Variants in MAP3K5 observed in about 807,000 individuals in gnomAD.
The protein encoded by MAP3K5 is ASK-1.
In MAP3K5, 56 loss-of-function variants were observed where a neutral mutation model predicts 158.7. The ratio of observed to expected loss-of-function variants is 0.35; its 90% CI spans 0.28 to 0.44. The LOEUF (loss-of-function observed/expected upper bound fraction) is 0.44, where lower values mean the gene tolerates loss of function less well. MAP3K5 is among the 20% of genes least tolerant of loss of function. The pLI is 1.00. For missense variants in MAP3K5, 1,294 were observed against 1,674.8 expected, an observed-to-expected ratio of 0.77 and a Z score of 3.97; for synonymous variants, 579 against 601.7, an observed-to-expected ratio of 0.96 and a Z score of 0.55.
intron 23 of MAP3K5, among the ~76,000 whole-genome samples, chr6:136,585,617 A>G (rs1158455789): frequency 6.6e-6 from 1 of 151,888 alleles, no homozygotes; most frequent in Non-Finnish European, 1.5e-5. Flanking sequence ...CTCCTACCTC[A>G]GCTTCCCAAG....
chr6:136,676,192 T>C (rs1779695830), intron 7 of MAP3K5, among the ~76,000 whole-genome samples: 1 of 152,192 alleles, frequency 6.6e-6, no homozygotes, highest in Non-Finnish European at 1.5e-5. Flanking sequence ...CCAATGAATC[T>C]CCGGTACTTG....
At chr6:136,564,581 T>C (rs1031324075) in intron 26 of MAP3K5, among the ~76,000 whole-genome samples, 1 of 152,254 alleles carries the variant, frequency 6.6e-6, no homozygotes, top group African/African-American at 2.4e-5. Context: ...TCCTACTTGC[T>C]AATTTATACG....
chr6:136,719,115 G>A (rs763811766), intron 2 of MAP3K5, among the ~76,000 whole-genome samples: 2 of 152,196 alleles, frequency 1.3e-5, no homozygotes, highest in African/African-American at 4.8e-5. Context: ...GGTCATGGCT[G>A]CAGTGAGCTG....
At chr6:136,640,853 A>G (rs951474623) in intron 12 of MAP3K5, among the ~76,000 whole-genome samples, 1 of 152,158 alleles carries the variant, frequency 6.6e-6, no homozygotes, top group Non-Finnish European at 1.5e-5. Context: ...TTTGTGGAGG[A>G]GGAGGCCAGG....
intron 1 of MAP3K5, among the ~76,000 whole-genome samples, chr6:136,735,103 C>T (rs893765896): frequency 1.3e-5 from 2 of 152,228 alleles, no homozygotes; most frequent in Non-Finnish European, 2.9e-5. Context: ...GGTAGTTTAA[C>T]TCATGCTTGA....
At position 136,698,589 on chromosome 6, in the gene MAP3K5, C is replaced by G; in HGVS notation, c.706G>C (p.Glu236Gln). 6.2e-7 allele frequency: 1 copy of G among 1,614,020 alleles called. No homozygotes were observed. The highest frequency in any genetic ancestry group is 1.1e-5 in the South Asian group (1 of 91,090). ...AGCTCGAAGTTCGGTTGCATGAGCTCTGTCAACCCCTTCATGAAGCTGCTG... is the reference window on the plus strand; with the variant it reads ...AGCTCGAAGTTCGGTTGCATGAGCTGTGTCAACCCCTTCATGAAGCTGCTG... The part of the protein sequence containing the change: ...CDSSFMKGLT[E>Q]LMQPNFELLL... The change falls in exon 4 of 30, where the codon GAG (glutamate) becomes CAG (glutamine). Residue 236 changes from glutamate (E) to glutamine (Q), a missense_variant. Glu to Gln is a conservative substitution (Grantham distance 29, BLOSUM62 2). Coordinates refer to ENST00000359015, the MANE Select transcript of MAP3K5 (RefSeq NM_005923.4).
intron 1 of MAP3K5, 140 bp from the exon 2 acceptor site, chr6:136,720,729 T>A (rs1280898618): frequency 1.5e-6 from 1 of 669,176 alleles, no homozygotes. Context: ...TATCACTGAA[T>A]TTTGAATTTG....
intron 8 of MAP3K5, among the ~76,000 whole-genome samples, chr6:136,662,413 A>G (rs1254748052): frequency 6.6e-6 from 1 of 152,172 alleles, no homozygotes; most frequent in African/African-American, 2.4e-5. Flanking sequence ...CTTTGCACAA[A>G]CTTGTTTCTA....
chr6:136,685,543 T>C (rs1780111739), intron 7 of MAP3K5, among the ~76,000 whole-genome samples: 2 of 152,114 alleles, frequency 1.3e-5, no homozygotes, highest in African/African-American at 4.8e-5. Context: ...AAAAAGAGAA[T>C]TGCAGAAAGA....
intron 2 of MAP3K5, among the ~76,000 whole-genome samples, chr6:136,711,595 G>A (rs1242192944): frequency 1.3e-5 from 2 of 151,982 alleles, no homozygotes; most frequent in Non-Finnish European, 2.9e-5. Context: ...GAACCTGGGA[G>A]GTGGAGGTTG....
chr6:136,657,721 C>T (rs1037456435), intron 9 of MAP3K5, among the ~76,000 whole-genome samples: 3 of 152,104 alleles, frequency 2.0e-5, no homozygotes, highest in African/African-American at 4.8e-5. Context: ...TGAGGAAGGG[C>T]TCTAGGTCAA....
Position 136,756,618 on chromosome 6 carries a change from G to A in MAP3K5, c.448+35092C>T, listed in dbSNP as rs534702810. ...ATCATAAGTGTCCTAAATAATGAAA[G>A]AACAATTCTTCAAGAGAAAAGGAGT... On this transcript the variant is annotated intron_variant, in intron 1 of 29. Coordinates refer to ENST00000359015, the MANE Select transcript of MAP3K5 (RefSeq NM_005923.4). Among the ~76,000 whole-genome samples the A allele has an allele frequency of 4.6e-5, 7 of 152,260 alleles. No individual in the cohort carries two copies. In the East Asian group the frequency reaches 1.2e-3, roughly 25 times the overall value.
intron 1 of MAP3K5, among the ~76,000 whole-genome samples, chr6:136,763,095 C>T (rs1016241355): frequency 6.6e-6 from 1 of 152,174 alleles, no homozygotes; most frequent in African/African-American, 2.4e-5. Flanking sequence ...CAGGCTCAAG[C>T]CGTCCTCCCA....
In MAP3K5 at chr6:136,605,227, T is replaced by C. The variant is rs1361873167; in HGVS notation, c.2661A>G (p.Pro887=). ...GKPPFYELGE[P]QAAMFKVGMF... is the part of the protein sequence containing the mutation. ...GTGTGACCTTGAACATAGCTGCTTG[T>C]GGTTCTCCCAGTTCATAAAATGGGG... Residue 887 remains proline, a synonymous_variant, in exon 19 of 30, where the codon CCA becomes CCG. Transcript: ENST00000359015. 1 of 1,614,016 alleles carries C rather than the reference T, an allele frequency of 6.2e-7. No homozygotes were observed. Among genetic ancestry groups the C allele is most frequent in the Admixed American group, 1.7e-5 (1 of 59,958 alleles).
At chr6:136,718,503 T>A (rs114719684) in intron 2 of MAP3K5, among the ~76,000 whole-genome samples, 77 of 152,264 alleles carry the variant, frequency 5.1e-4, no homozygotes, top group African/African-American at 1.9e-3. Context: ...CTTTAAGAAT[T>A]TGAAAATGTA....
At chr6:136,772,817 G>A (rs572601461) in intron 1 of MAP3K5, among the ~76,000 whole-genome samples, 8 of 152,296 alleles carry the variant, frequency 5.3e-5, no homozygotes, top group Middle Eastern at 3.4e-3. Context: ...CAAGAAAGGC[G>A]TTTCAGGTTC....
chr6:136,604,563 G>T (rs937916115), intron 19 of MAP3K5, among the ~76,000 whole-genome samples: 12 of 152,088 alleles, frequency 7.9e-5, no homozygotes, highest in Non-Finnish European at 1.3e-4. Context: ...GATTCAAGAT[G>T]CAGGTCATAG....
chr6:136,745,915 A>C (rs2114899622), intron 1 of MAP3K5, among the ~76,000 whole-genome samples: 1 of 152,320 alleles, frequency 6.6e-6, no homozygotes, highest in East Asian at 1.9e-4. Flanking sequence ...CGTTAGCTTA[A>C]TGTCTAACAT....
At chr6:136,581,552 C>T (rs1295489373) in intron 24 of MAP3K5, among the ~76,000 whole-genome samples, 1 of 152,170 alleles carries the variant, frequency 6.6e-6, no homozygotes, top group Non-Finnish European at 1.5e-5. Flanking sequence ...TAATCACCAT[C>T]CCTACTGCAG....
Sources: gnomAD v4.1 joint callset for allele counts (sites outside exome capture counted in the v4.1 genomes callset) on GRCh38, gnomAD v4.1.1 for gene constraint, MANE v1.5 for transcripts, NCBI Gene and HGNC (gene_info 2026-07-23, HGNC 2026-07-21) for gene names.